The following ELOVL5 variants were observed in gnomAD, a reference collection of about 807,000 sequenced individuals.
ELOVL5 encodes the protein ELOVL fatty acid elongase 5.
In ELOVL5, 8 loss-of-function variants were observed where a neutral mutation model predicts 38.6. The ratio of observed to expected loss-of-function variants is 0.21; its 90% CI spans 0.12 to 0.37. The LOEUF is 0.37. ELOVL5 is among the 10% of genes least tolerant of loss of function. The pLI, the probability that ELOVL5 is intolerant of heterozygous loss-of-function variation, is 1.00. For missense variants in ELOVL5, 280 were observed against 367.8 expected, an observed-to-expected ratio of 0.76 and a Z score of 1.95; for synonymous variants, 127 against 133.7, an observed-to-expected ratio of 0.95 and a Z score of 0.34.
intron 1 of ELOVL5, among the ~76,000 whole-genome samples, chr6:53,327,055 T>C (rs1409610490): frequency 1.3e-5 from 2 of 152,172 alleles, no homozygotes; most frequent in East Asian, 3.9e-4. Flanking sequence ...ACATGCATTC[T>C]CTAACTTAGG....
At chr6:53,319,474 C>T (rs745972471) in intron 1 of ELOVL5, among the ~76,000 whole-genome samples, 8 of 152,164 alleles carry the variant, frequency 5.3e-5, no homozygotes, top group Non-Finnish European at 1.0e-4. Flanking sequence ...ATTCCAGCCA[C>T]ATTTCAAGTG....
intron 3 of ELOVL5, among the ~76,000 whole-genome samples, chr6:53,289,035 C>G (rs943977809): frequency 2.6e-5 from 4 of 152,168 alleles, no homozygotes; most frequent in African/African-American, 9.7e-5. Flanking sequence ...GCCTGGGCAA[C>G]AGAGTGAGAC....
intron 6 of ELOVL5, 46 bp downstream of exon 6, chr6:53,273,174 T>C: frequency 1.2e-6 from 2 of 1,608,302 alleles, no homozygotes; most frequent in Non-Finnish European, 1.7e-6. Context: ...AAGAGGTCTG[T>C]ATCCACCAGG....
At chr6:53,282,117 A>G (rs961364138) in intron 3 of ELOVL5, among the ~76,000 whole-genome samples, 2 of 152,220 alleles carry the variant, frequency 1.3e-5, no homozygotes, top group Non-Finnish European at 2.9e-5. Flanking sequence ...TAGTTAGCCC[A>G]ATACCTGACA....
At chr6:53,332,906 C>T (rs1245626494) in intron 1 of ELOVL5, among the ~76,000 whole-genome samples, 1 of 152,194 alleles carries the variant, frequency 6.6e-6, no homozygotes. Context: ...CACTATGTGC[C>T]CCCAGCATCA....
chr6:53,271,692 C>CCT (rs2127565671), intron 6 of ELOVL5, among the ~76,000 whole-genome samples: 1 of 152,308 alleles, frequency 6.6e-6, no homozygotes, highest in East Asian at 1.9e-4. Context: ...CTCTCAGGTT[C>CCT]AAGAGATCCT....
chr6:53,282,950 A>G (rs1290446489), intron 3 of ELOVL5, among the ~76,000 whole-genome samples: 2 of 152,222 alleles, frequency 1.3e-5, no homozygotes, highest in African/African-American at 4.8e-5. Context: ...TCAAACCCAG[A>G]GCCTGGGGAG....
intron 1 of ELOVL5, among the ~76,000 whole-genome samples, chr6:53,307,696 A>G (rs549949574): frequency 1.3e-5 from 2 of 152,354 alleles, no homozygotes; most frequent in East Asian, 3.9e-4. Flanking sequence ...AAAAGACTCT[A>G]GATAAATTCC....
chr6:53,338,787 C>CTT (rs1393546554), intron 1 of ELOVL5, among the ~76,000 whole-genome samples: 1 of 152,202 alleles, frequency 6.6e-6, no homozygotes. Flanking sequence ...AGTGCAGTCT[C>CTT]TTAACTGATG....
Position 53,301,155 on chromosome 6 carries a change from G to A in ELOVL5, c.-8-5448C>T, listed in dbSNP as rs560524120. On this transcript the variant is annotated intron_variant, in intron 1 of 7. Transcript: ENST00000304434. ...CCTAGTAATCTGGATTTATGGGAAC[G>A]GCATGACCTACTTTGCACAAGATGC... 4.6e-5 allele frequency among the ~76,000 whole-genome samples: 7 copies of A among 152,234 alleles called. No individual in the cohort carries two copies. In the South Asian group the frequency reaches 8.3e-4, roughly 18 times the overall value.
chr6:53,276,001 T>C (rs1353551986), intron 4 of ELOVL5, among the ~76,000 whole-genome samples, 178 bp downstream of exon 4: 1 of 152,266 alleles, frequency 6.6e-6, no homozygotes, highest in African/African-American at 2.4e-5. Context: ...AGGTTTTATT[T>C]TATACCTTTC....
At chr6:53,278,130 C>T (rs1413449986) in intron 3 of ELOVL5, among the ~76,000 whole-genome samples, 1 of 152,150 alleles carries the variant, frequency 6.6e-6, no homozygotes, top group African/African-American at 2.4e-5. Context: ...GAAATGTTAC[C>T]ATTTTATGAA....
intron 1 of ELOVL5, among the ~76,000 whole-genome samples, chr6:53,334,371 A>C (rs890131988): frequency 6.6e-6 from 1 of 152,172 alleles, no homozygotes; most frequent in South Asian, 2.1e-4. Context: ...ACAGGGTAAA[A>C]TATGCAAGGG....
intron 1 of ELOVL5, among the ~76,000 whole-genome samples, chr6:53,337,622 A>G (rs1266526866): frequency 1.3e-5 from 2 of 152,218 alleles, no homozygotes; most frequent in South Asian, 2.1e-4. Context: ...TGAAAGGTAC[A>G]TATGTATTTA....
intron 2 of ELOVL5, among the ~76,000 whole-genome samples, chr6:53,293,466 C>T (rs1371997734): frequency 6.6e-6 from 1 of 152,086 alleles, no homozygotes; most frequent in Non-Finnish European, 1.5e-5. Flanking sequence ...TATAGACACA[C>T]ACCACCACAC....
chr6:53,337,154 G>A (rs1279893618), intron 1 of ELOVL5: 2 of 152,324 alleles, frequency 1.3e-5, no homozygotes. Flanking sequence ...CCCTTCACAC[G>A]AACATGGATG....
intron 3 of ELOVL5, among the ~76,000 whole-genome samples, chr6:53,284,417 TACTG>T (rs1376575073): frequency 6.6e-6 from 1 of 151,956 alleles, no homozygotes; most frequent in Non-Finnish European, 1.5e-5. Context: ...AGAATAGAAA[TACTG>T]ACTCAACTGA....
At chr6:53,334,128 G>A (rs1408807694) in intron 1 of ELOVL5, among the ~76,000 whole-genome samples, 1 of 152,172 alleles carries the variant, frequency 6.6e-6, no homozygotes, top group Admixed American at 6.5e-5. Context: ...ATGTAAACAT[G>A]TCTAAAAAAG....
chr6:53,318,034 C>T (rs1487303273), intron 1 of ELOVL5, among the ~76,000 whole-genome samples: 1 of 152,124 alleles, frequency 6.6e-6, no homozygotes, highest in Non-Finnish European at 1.5e-5. Flanking sequence ...CATGCCAGCC[C>T]TCTCACAGAT....
Sources: allele counts gnomAD v4.1 joint callset (sites outside exome capture counted in the v4.1 genomes callset), GRCh38; gene constraint gnomAD v4.1.1; transcripts MANE v1.5; gene names NCBI Gene and HGNC (gene_info 2026-07-23, HGNC 2026-07-21).